CACNA2D3: variants seen among roughly 807,000 people sequenced by gnomAD.
CACNA2D3 encodes the protein calcium voltage-gated channel auxiliary subunit alpha2delta 3, also known as voltage-dependent calcium channel subunit alpha-2/delta-3.
Under a neutral mutation model 160.6 loss-of-function variants are expected in CACNA2D3, and 60 were observed. The ratio of observed to expected loss-of-function variants is 0.37; its 90% confidence interval spans 0.30 to 0.46. The LOEUF (loss-of-function observed/expected upper bound fraction) is 0.46, where lower values mean the gene tolerates loss of function less well. Ranked by LOEUF, CACNA2D3 falls within the 20% of genes least tolerant of loss-of-function variation. CACNA2D3 has a pLI of 1.00. For synonymous variants in CACNA2D3, 558 were observed against 492.9 expected, an observed-to-expected ratio of 1.13 and a Z score of -1.75; for missense variants, 1,205 against 1,365.0, an observed-to-expected ratio of 0.88 and a Z score of 1.85.
chr3:54,764,603 C>A (rs965718017), intron 13 of CACNA2D3, among the ~76,000 whole-genome samples: 1 of 152,280 alleles, frequency 6.6e-6, no homozygotes, highest in South Asian at 2.1e-4. Flanking sequence ...TGTCTTTTCT[C>A]GTTACTTCTG....
At chr3:54,580,278 A>G (rs1173896594) in intron 8 of CACNA2D3, among the ~76,000 whole-genome samples, 1 of 151,964 alleles carries the variant, frequency 6.6e-6, no homozygotes, top group Non-Finnish European at 1.5e-5. Flanking sequence ...GGTCAGTTTG[A>G]TCACCACTTC....
chr3:54,773,419 CAT>C (rs1192393814), intron 13 of CACNA2D3, among the ~76,000 whole-genome samples: 4 of 152,288 alleles, frequency 2.6e-5, no homozygotes, highest in Admixed American at 2.0e-4. Context: ...TAAAGAGAAA[CAT>C]AAACCATCCT....
chr3:54,162,797 A>G (rs925805530), intron 2 of CACNA2D3, among the ~76,000 whole-genome samples: 4 of 152,178 alleles, frequency 2.6e-5, no homozygotes, highest in African/African-American at 9.7e-5. Context: ...TGTCCTAAGG[A>G]TTCAGAGATA....
intron 2 of CACNA2D3, among the ~76,000 whole-genome samples, chr3:54,165,792 T>G (rs546390021): frequency 5.7e-4 from 87 of 152,016 alleles, no homozygotes; most frequent in Non-Finnish European, 1.1e-3. Context: ...AATGAGACCC[T>G]GTCTCTAAAA....
At chr3:54,278,513 T>C (rs1216354219) in intron 2 of CACNA2D3, among the ~76,000 whole-genome samples, 1 of 152,166 alleles carries the variant, frequency 6.6e-6, no homozygotes, top group Non-Finnish European at 1.5e-5. Flanking sequence ...TATAAATCAT[T>C]CTACTGTAAA....
chr3:54,894,171 G>A (rs1322012421), intron 25 of CACNA2D3, among the ~76,000 whole-genome samples: 5 of 152,174 alleles, frequency 3.3e-5, no homozygotes, highest in Non-Finnish European at 7.3e-5. Context: ...TCCAGGAGGA[G>A]ACTTTCACCT....
chr3:54,542,789 A>C (rs1246286461), intron 5 of CACNA2D3, among the ~76,000 whole-genome samples: 1 of 152,168 alleles, frequency 6.6e-6, no homozygotes. Flanking sequence ...TCCTTTGCCA[A>C]CACCTTCACA....
At chr3:54,368,997 G>A (rs186437515) in intron 3 of CACNA2D3, among the ~76,000 whole-genome samples, 13 of 151,946 alleles carry the variant, frequency 8.6e-5, no homozygotes, top group Non-Finnish European at 1.6e-4. Context: ...CACTGCGTCC[G>A]GCCGGCAGTA....
chr3:54,581,221 T>G (rs561292049), intron 8 of CACNA2D3, among the ~76,000 whole-genome samples: 2 of 152,122 alleles, frequency 1.3e-5, no homozygotes, highest in Admixed American at 6.5e-5. Flanking sequence ...ATAAAAAGTG[T>G]GGGGGGGTCC....
chr3:55,016,255 A>G (rs1225825079), intron 34 of CACNA2D3, among the ~76,000 whole-genome samples: 1 of 152,208 alleles, frequency 6.6e-6, no homozygotes, highest in Non-Finnish European at 1.5e-5. Context: ...GCCCGACTCC[A>G]TGAAATAGCA....
At chr3:54,916,941 G>C (rs757013514) in intron 27 of CACNA2D3, among the ~76,000 whole-genome samples, 23 of 152,226 alleles carry the variant, frequency 1.5e-4, no homozygotes, top group Admixed American at 4.6e-4. Flanking sequence ...TGCTGAGCTA[G>C]GAAGAGTGCT....
At chr3:54,913,560 A>G (rs1045718184) in intron 27 of CACNA2D3, among the ~76,000 whole-genome samples, 2 of 152,154 alleles carry the variant, frequency 1.3e-5, no homozygotes, top group Admixed American at 1.3e-4. Flanking sequence ...AGATTATGAA[A>G]GGGTTCTTAT....
At chr3:54,568,159 G>A (rs1702438693) in intron 6 of CACNA2D3, among the ~76,000 whole-genome samples, 1 of 152,200 alleles carries the variant, frequency 6.6e-6, no homozygotes, top group South Asian at 2.1e-4. Context: ...AGAACAGGAA[G>A]TCATAGGTTG....
intron 27 of CACNA2D3, among the ~76,000 whole-genome samples, chr3:54,917,987 G>A (rs62254546): frequency 0.13 from 19,430 of 152,140 alleles, 1,268 homozygotes; most frequent in Middle Eastern, 0.16. Flanking sequence ...GCATGAACTC[G>A]AATTATAGAG....
chr3:54,304,957 TG>T (rs1367730495), intron 2 of CACNA2D3, among the ~76,000 whole-genome samples: 2 of 152,176 alleles, frequency 1.3e-5, no homozygotes, highest in Non-Finnish European at 2.9e-5. Context: ...ACAACACACT[TG>T]TATAATTTGC....
intron 16 of CACNA2D3, among the ~76,000 whole-genome samples, chr3:54,842,166 A>G (rs1410672921): frequency 1.3e-5 from 2 of 152,230 alleles, no homozygotes; most frequent in Non-Finnish European, 2.9e-5. Context: ...CTTTGTCTAC[A>G]TTAGGATGTA....
chr3:54,911,170 C>T lies in CACNA2D3; in HGVS notation c.2449+11302C>T, dbSNP rs1467655099. On this transcript the variant is annotated intron_variant, in intron 27 of 37. Coordinates refer to ENST00000474759, the MANE Select transcript of CACNA2D3 (RefSeq NM_018398.3). ...GATTTTAATATAGCAATACAATTAC[C>T]TAAAAATAATTCCTAAATCTATTAC... 2.6e-5 allele frequency among the ~76,000 whole-genome samples: 4 copies of T among 152,116 alleles called. No individual in the cohort carries two copies. In the East Asian group the frequency reaches 7.7e-4, roughly 29 times the overall value.
chr3:54,550,174 T>C (rs1702132731), intron 5 of CACNA2D3, among the ~76,000 whole-genome samples: 2 of 152,184 alleles, frequency 1.3e-5, no homozygotes, highest in Admixed American at 6.5e-5. Flanking sequence ...TTTATTTGGC[T>C]TTACTTTATG....
At chr3:54,259,847 G>A (rs1453588284) in intron 2 of CACNA2D3, among the ~76,000 whole-genome samples, 1 of 152,238 alleles carries the variant, frequency 6.6e-6, no homozygotes, top group African/African-American at 2.4e-5. Context: ...TGCAGCTGCT[G>A]AAGCAAAGCC....
Sources: allele counts gnomAD v4.1 joint callset (sites outside exome capture counted in the v4.1 genomes callset), GRCh38; gene constraint gnomAD v4.1.1; transcripts MANE v1.5; gene names NCBI Gene and HGNC (gene_info 2026-07-23, HGNC 2026-07-21).